The following ITPKB variants were observed in gnomAD, a reference collection of about 807,000 sequenced individuals.
ITPKB encodes IP3 3-kinase B.
Under a neutral mutation model 69.4 loss-of-function variants are expected in ITPKB, and 13 were observed. That is an observed-to-expected ratio of 0.19 (90% CI 0.12 to 0.30). ITPKB has a LOEUF of 0.30. Ranked by LOEUF, ITPKB falls within the 10% of genes least tolerant of loss-of-function variation. The probability of loss-of-function intolerance (pLI) is 1.00; values close to 1 mark genes in which losing one functional copy is unlikely to be tolerated. For synonymous variants in ITPKB, 584 were observed against 513.7 expected (o/e 1.14, Z -1.85); for missense variants, 1,240 against 1,250.5 (o/e 0.99, Z 0.13).
At chr1:226,693,747 A>C (rs1270243319) in intron 2 of ITPKB, among the ~76,000 whole-genome samples, 1 of 152,220 alleles carries the variant, frequency 6.6e-6, no homozygotes, top group Non-Finnish European at 1.5e-5. Context: ...TTTTGAATTA[A>C]AGGCCTGTGC....
intron 2 of ITPKB, among the ~76,000 whole-genome samples, chr1:226,723,020 G>A (rs928199974): frequency 6.6e-6 from 1 of 152,100 alleles, no homozygotes; most frequent in East Asian, 1.9e-4. Flanking sequence ...AGAGACCAGG[G>A]TTTGGCAGGC....
intron 4 of ITPKB, among the ~76,000 whole-genome samples, chr1:226,645,355 CTT>C (rs138906356): frequency 0.026 from 3,919 of 152,284 alleles, 192 homozygotes; most frequent in African/African-American, 0.089. Context: ...CTAGATCTCT[CTT>C]GAGAGCACTA....
intron 2 of ITPKB, among the ~76,000 whole-genome samples, chr1:226,721,758 G>A (rs1442303423): frequency 6.6e-6 from 1 of 151,586 alleles, no homozygotes; most frequent in Non-Finnish European, 1.5e-5. Context: ...GCCTCCCAAA[G>A]TGCTGGGATT....
At chr1:226,643,152 GACC>G (rs1668997062) in intron 4 of ITPKB, among the ~76,000 whole-genome samples, 1 of 152,234 alleles carries the variant, frequency 6.6e-6, no homozygotes, top group East Asian at 1.9e-4. Flanking sequence ...AACTGGCGGG[GACC>G]ACCTAGACAC....
rs769646521 is a variant in ITPKB, at chr1:226,732,019, T to C, written c.1932+3508A>G. On this transcript the variant is annotated intron_variant, in intron 2 of 7. Transcript: ENST00000429204. Reference sequence around the variant, plus strand: ...CACTTTTCAAAACCACATAAAACCATGTTAAACTGTTTGGATTTTTTACTA... The same window carrying C: ...CACTTTTCAAAACCACATAAAACCACGTTAAACTGTTTGGATTTTTTACTA... 8.1e-4 allele frequency among the ~76,000 whole-genome samples: 121 copies of C among 150,116 alleles called. 1 individual carries two copies. Among genetic ancestry groups the C allele is most frequent in the Non-Finnish European group, 4.3e-4 (29 of 67,782 alleles).
intron 2 of ITPKB, among the ~76,000 whole-genome samples, chr1:226,699,185 T>C (rs1656571987): frequency 2.0e-5 from 3 of 152,260 alleles, no homozygotes; most frequent in African/African-American, 7.2e-5. Context: ...CTATCTGTTC[T>C]GTAGGAAGGC....
chr1:226,649,350 T>G (rs1669125964), intron 2 of ITPKB, among the ~76,000 whole-genome samples: 1 of 99,480 alleles, frequency 1.0e-5, no homozygotes, highest in Admixed American at 8.9e-5. Flanking sequence ...TGTGCATATG[T>G]GATATATGTG....
intron 2 of ITPKB, among the ~76,000 whole-genome samples, chr1:226,719,864 G>T (rs1354263751): frequency 6.6e-6 from 1 of 152,222 alleles, no homozygotes; most frequent in Non-Finnish European, 1.5e-5. Flanking sequence ...GGGCAGATCT[G>T]CCCTTCTCCC....
Position 226,739,237 on chromosome 1 carries a change from G to C in ITPKB, c.-402C>G, listed in dbSNP as rs1349034394. On this transcript the variant is annotated 5_prime_UTR_variant, in exon 1 of 8. Coordinates refer to ENST00000429204, the MANE Select transcript of ITPKB (RefSeq NM_002221.4). ...GCCCGGCGATCCCGGCAGTGGCGAC[G>C]CCAAGCCGGCCCTGCACGCCCTTTT... 1 of 152,018 alleles carries C rather than the reference G, an allele frequency of 6.6e-6. No individual in the cohort carries two copies. The highest frequency in any genetic ancestry group is 1.9e-4 in the East Asian group (1 of 5,190). The allele number at this position is 152,018 out of a possible 1,614,324, so 9.4% of individuals were successfully genotyped here.
intron 2 of ITPKB, among the ~76,000 whole-genome samples, chr1:226,667,826 ATGTGTG>A (rs3841844): frequency 2.4e-4 from 36 of 148,492 alleles, no homozygotes; most frequent in Admixed American, 1.1e-3. Context: ...GATGAGGAAA[ATGTGTG>A]TGTGTGTGTG....
At chr1:226,733,950 G>A (rs1057469635) in intron 2 of ITPKB, among the ~76,000 whole-genome samples, 1 of 152,224 alleles carries the variant, frequency 6.6e-6, no homozygotes, top group Non-Finnish European at 1.5e-5. Flanking sequence ...TGGACAGTCA[G>A]GGAACAAGTT....
At chr1:226,694,139 T>C (rs1054898418) in intron 2 of ITPKB, among the ~76,000 whole-genome samples, 4 of 152,212 alleles carry the variant, frequency 2.6e-5, no homozygotes, top group African/African-American at 9.6e-5. Flanking sequence ...CATGTGTTCA[T>C]TAAGAAAAAG....
intron 2 of ITPKB, among the ~76,000 whole-genome samples, chr1:226,673,575 A>C (rs1669664224): frequency 6.6e-6 from 1 of 152,212 alleles, no homozygotes; most frequent in South Asian, 2.1e-4. Context: ...CTCACCTATA[A>C]AGGGATCCTT....
At chr1:226,647,114 G>A in intron 4 of ITPKB, 53 bp downstream of exon 4, 2 of 1,539,352 alleles carry the variant, frequency 1.3e-6, no homozygotes, top group Non-Finnish European at 1.8e-6. Context: ...CTGTGCACCT[G>A]CCATGTGGCT....
At chr1:226,711,067 A>G (rs1252589622) in intron 2 of ITPKB, among the ~76,000 whole-genome samples, 1 of 152,214 alleles carries the variant, frequency 6.6e-6, no homozygotes, top group Non-Finnish European at 1.5e-5. Context: ...TTATTAAGAG[A>G]CATCTTATTA....
intron 2 of ITPKB, among the ~76,000 whole-genome samples, chr1:226,693,892 G>A (rs867806070): frequency 1.4e-4 from 22 of 152,152 alleles, no homozygotes; most frequent in African/African-American, 4.6e-4. Context: ...ACCCACAATG[G>A]GTTCTCACAG....
At position 226,639,646 on chromosome 1, in the gene ITPKB, T is replaced by C. The variant is rs777802198; in HGVS notation, c.2464A>G (p.Thr822Ala). ...GTCTTCTTGAAGTCCCGGTTCACGG[T>C]GCCGTCTTCTTTCTGAGAAAGAGAA... ...RIEGIKKEDG[T>A]VNRDFKKTKT... Residue 822 changes from threonine (T) to alanine (A), a missense_variant, in exon 6 of 8, where the codon ACC becomes GCC. Coordinates refer to ENST00000429204, the MANE Select transcript of ITPKB (RefSeq NM_002221.4). 2.5e-6 allele frequency: 4 copies of C among 1,613,036 alleles called. No homozygotes were observed. Among genetic ancestry groups the C allele is most frequent in the Non-Finnish European group, 2.5e-6 (3 of 1,179,102 alleles).
At position 226,673,267 on chromosome 1, in the gene ITPKB, G is replaced by A. The variant is rs547267823; in HGVS notation, c.1933-24496C>T. Among the ~76,000 whole-genome samples the A allele has an allele frequency of 7.9e-5, 12 of 152,286 alleles. No individual in the cohort carries two copies. In the South Asian group the frequency reaches 1.7e-3, roughly 21 times the overall value. ...CGCGCACCTGTGGTCCCAGCTACTC[G>A]GGAGGCTGAGGCAGGAGGATTGCTT... On this transcript the variant is annotated intron_variant, in intron 2 of 7. Transcript: ENST00000429204.
intron 1 of ITPKB, 81 bp from the exon 2 acceptor site, chr1:226,737,744 A>C (rs1432290332): frequency 2.0e-5 from 5 of 254,298 alleles, no homozygotes; most frequent in Non-Finnish European, 3.3e-5. Flanking sequence ...ACCCAGAGAG[A>C]GCCCCGGGAA....
Sources: allele counts gnomAD v4.1 joint callset (sites outside exome capture counted in the v4.1 genomes callset), GRCh38; gene constraint gnomAD v4.1.1; transcripts MANE v1.5; gene names NCBI Gene and HGNC (gene_info 2026-07-23, HGNC 2026-07-21).